BBS1: variants seen among roughly 807,000 people sequenced by gnomAD.
BBS1 encodes BBSome complex member BBS1.
BBS1 carries 60 observed loss-of-function variants against 73.9 expected under a neutral mutation model. The ratio of observed to expected loss-of-function variants is 0.81; its 90% CI spans 0.66 to 1.01. The LOEUF is 1.01. Among genes scored for constraint, BBS1 ranks in the 50% least tolerant of loss-of-function variants. BBS1 has a pLI of 0.00. For synonymous variants in BBS1, 283 were observed against 317.4 expected, an observed-to-expected ratio of 0.89 and a Z score of 1.15; for missense variants, 718 against 770.3, an observed-to-expected ratio of 0.93 and a Z score of 0.80.
chr11:66,524,085 G>C (rs1856376951), intron 11 of BBS1: 1 of 723,036 alleles, frequency 1.4e-6, no homozygotes, highest in Admixed American at 2.2e-5. Flanking sequence ...TTCAAAACCA[G>C]CCTAGCCAAC....
intron 7 of BBS1, 44 bp downstream of exon 7, chr11:66,515,977 A>T (rs1856040863): frequency 6.2e-7 from 1 of 1,604,240 alleles, no homozygotes; most frequent in East Asian, 2.2e-5. Flanking sequence ...AAAAATTTAC[A>T]TTTTTTTAAA....
intron 4 of BBS1, 51 bp from the exon 5 acceptor site, chr11:66,515,489 G>A (rs781723467): frequency 6.2e-7 from 1 of 1,601,146 alleles, no homozygotes; most frequent in African/African-American, 1.3e-5. Flanking sequence ...TGTAGACATT[G>A]GGTTTCCTGC....
At chr11:66,529,386 C>A in intron 13 of BBS1, 4 of 1,370,382 alleles carry the variant, frequency 2.9e-6, no homozygotes, top group Non-Finnish European at 4.0e-6. Flanking sequence ...AGGAGGCAGG[C>A]GAGGGTGCTC....
chr11:66,531,895 A>G (rs1055569963), intron 16 of BBS1, 56 bp from the exon 17 acceptor site: 3 of 1,574,414 alleles, frequency 1.9e-6, no homozygotes, highest in African/African-American at 2.7e-5. Flanking sequence ...GCCAGCGCAG[A>G]CCAGGCAAGG....
chr11:66,523,480 C>T lies in BBS1; in HGVS notation c.855C>T (p.Cys285=). The change falls in exon 10 of 17, where the codon TGC becomes TGT. Residue 285 remains cysteine, a synonymous_variant. Coordinates refer to ENST00000318312, the MANE Select transcript of BBS1 (RefSeq NM_024649.5). ...LRRDSKHPKY[C]IELSAQPVGL... is the part of the protein sequence containing the mutation. The stretch of plus-strand genomic sequence containing the variant: ...GAGACTCCAAGCACCCCAAGTACTG[C>T]ATCGAGCTGAGCGCCCAGCCTGTGG... 2 of 1,614,148 alleles carry T rather than the reference C, an allele frequency of 1.2e-6. No individual in the cohort carries two copies. The highest frequency in any genetic ancestry group is 1.7e-6 in the Non-Finnish European group (2 of 1,180,028).
rs768620927 is a variant in BBS1, at chr11:66,526,110, C to A, written c.1111-13C>A. On this transcript the variant is annotated splice_polypyrimidine_tract_variant and intron_variant, in intron 11 of 16. Coordinates refer to ENST00000318312, the MANE Select transcript of BBS1 (RefSeq NM_024649.5). The stretch of plus-strand genomic sequence containing the variant: ...AGATATTTCCCCAACTAAACTCTGA[C>A]GTCTCCACATAGGATGCAGTGACCA... 4 of 1,613,870 alleles carry A rather than the reference C, an allele frequency of 2.5e-6. No homozygotes were observed. The African/African-American group carries it at 5.3e-5, about 22-fold the overall frequency.
intron 3 of BBS1, among the ~76,000 whole-genome samples, chr11:66,512,016 AT>A (rs981130744): frequency 1.4e-5 from 2 of 146,916 alleles, no homozygotes; most frequent in African/African-American, 5.0e-5. Context: ...ATATATATAT[AT>A]ATGTGTATAT....
Position 66,514,529 on chromosome 11 carries a change from G to T in BBS1, c.283G>T (p.Glu95Ter). ...AGCTGCTGCTGCCACCTTCCTCATG[G>T]AGCAACATGAGCCCCGGACCCCAGC... is the stretch of plus-strand genomic sequence containing the variant. ...LPAAAATFLMEQHEPRTPALA... is the reference protein window; with the variant it reads ...LPAAAATFLM Residue 95 changes from glutamate (E) to a stop codon, truncating the protein, a stop_gained, in exon 4 of 17, where the codon GAG becomes TAG. Coordinates refer to ENST00000318312, the MANE Select transcript of BBS1 (RefSeq NM_024649.5). LOFTEE classifies it high-confidence loss of function. 6.2e-7 allele frequency: 1 copy of T among 1,614,154 alleles called. No individual in the cohort carries two copies. The highest frequency in any genetic ancestry group is 8.5e-7 in the Non-Finnish European group (1 of 1,180,034).
chr11:66,512,660 C>T (rs2134768693), intron 3 of BBS1, among the ~76,000 whole-genome samples: 1 of 152,126 alleles, frequency 6.6e-6, no homozygotes, highest in Non-Finnish European at 1.5e-5. Flanking sequence ...GAAGAGAAAC[C>T]ACAGACACAG....
intron 8 of BBS1, chr11:66,520,858 C>T (rs1856185435): frequency 3.2e-6 from 1 of 313,642 alleles, no homozygotes; most frequent in Non-Finnish European, 6.2e-6. Context: ...CTCATCTTCT[C>T]ATCTGTGGGA....
chr11:66,529,244 A>C, intron 13 of BBS1: 2 of 1,511,516 alleles, frequency 1.3e-6, no homozygotes, highest in Non-Finnish European at 1.8e-6. Context: ...GTGATCCTGC[A>C]AACGGTGAGA....
At chr11:66,515,470 G>A in intron 4 of BBS1, 70 bp from the exon 5 acceptor site, 2 of 1,536,402 alleles carry the variant, frequency 1.3e-6, no homozygotes, top group Admixed American at 1.7e-5. Context: ...GTGTGGAGCT[G>A]TCTGGGGGTG....
At chr11:66,512,010 A>ATATGTGTATATATATGTATATATATG (rs1565280674) in intron 3 of BBS1, among the ~76,000 whole-genome samples, 165 of 142,922 alleles carry the variant, frequency 1.2e-3, no homozygotes, top group African/African-American at 4.2e-3. Flanking sequence ...AAAAATATAT[A>ATATGTGTATATATATGTATATATATG]TATATATATG....
intron 14 of BBS1, among the ~76,000 whole-genome samples, chr11:66,530,176 A>T (rs1418200227): frequency 1.3e-5 from 2 of 152,042 alleles, no homozygotes; most frequent in Non-Finnish European, 2.9e-5. Flanking sequence ...TCGGCTGGCC[A>T]TGCCGTGGGA....
intron 13 of BBS1, chr11:66,529,065 T>C: frequency 4.1e-6 from 4 of 982,702 alleles, no homozygotes; most frequent in Non-Finnish European, 4.8e-6. Flanking sequence ...ATTGTAAAAG[T>C]ACTAGAGAAA....
Position 66,529,868 on chromosome 11 carries a change from T to C in BBS1, c.1389T>C (p.Ala463=), listed in dbSNP as rs1428228510. Reference sequence around the variant, plus strand: ...ACCTATACCTGCTGCGCCTACGTGCTGCCCGCGCCTACCTGCAGGCCCTCG... The same window carrying C: ...ACCTATACCTGCTGCGCCTACGTGCCGCCCGCGCCTACCTGCAGGCCCTCG... ...QTDLYLLRLR[A]ARAYLQALES... Residue 463 remains alanine (A), a synonymous_variant, in exon 14 of 17, where the codon GCT becomes GCC. Coordinates refer to ENST00000318312, the MANE Select transcript of BBS1 (RefSeq NM_024649.5). The C allele has an allele frequency of 6.2e-7, 1 of 1,610,338 alleles. No individual in the cohort carries two copies. The highest frequency in any genetic ancestry group is 8.5e-7 in the Non-Finnish European group (1 of 1,179,982).
intron 13 of BBS1, chr11:66,527,500 C>G (rs768492269): frequency 2.9e-4 from 53 of 184,198 alleles, no homozygotes; most frequent in Non-Finnish European, 5.1e-4. Context: ...GAAACCCTGT[C>G]TCTACTAAAA....
chr11:66,528,216 CAAAGAA>C (rs537972791), intron 13 of BBS1, among the ~76,000 whole-genome samples: 18 of 152,230 alleles, frequency 1.2e-4, no homozygotes, highest in Admixed American at 9.8e-4. Flanking sequence ...GACTCCGTCT[CAAAGAA>C]AAAGAAAATG....
At position 66,515,925 on chromosome 11, in the gene BBS1, A is replaced by G. The variant is rs771595018; in HGVS notation, c.583A>G (p.Lys195Glu). The G allele has an allele frequency of 1.1e-5, 18 of 1,614,078 alleles. No individual in the cohort carries two copies. Among genetic ancestry groups the G allele is most frequent in the Non-Finnish European group, 1.5e-5 (18 of 1,180,040 alleles). ...AAACCAACACAAGTCCAACTCCATC[A>G]AGCGGCAGGTAATACCCCCTTCTCT... ...FVNQHKSNSI[K>E]RQTVITTMTT... Residue 195 changes from lysine to glutamate, a missense_variant, in exon 7 of 17, where the codon AAG becomes GAG. Lys to Glu is a moderately conservative substitution (Grantham distance 56, BLOSUM62 1). Transcript: ENST00000318312.
Sources: allele counts gnomAD v4.1 joint callset (sites outside exome capture counted in the v4.1 genomes callset), GRCh38; gene constraint gnomAD v4.1.1; transcripts MANE v1.5; gene names NCBI Gene and HGNC (gene_info 2026-07-23, HGNC 2026-07-21).